The following TPST1 variants were observed in gnomAD, a reference collection of about 807,000 sequenced individuals.
The protein encoded by TPST1 is protein-tyrosine sulfotransferase 1.
A neutral mutation model predicts 34.8 loss-of-function variants in TPST1; 20 were observed. The ratio of observed to expected loss-of-function variants is 0.57; its 90% CI spans 0.40 to 0.84. The LOEUF (loss-of-function observed/expected upper bound fraction) is 0.84. TPST1 is among the 40% of genes least tolerant of loss of function. The pLI is 0.00. For synonymous variants in TPST1, 152 were observed against 159.4 expected, an observed-to-expected ratio of 0.95 and a Z score of 0.35; for missense variants, 353 against 455.5, an observed-to-expected ratio of 0.78 and a Z score of 2.05.
intron 1 of TPST1, among the ~76,000 whole-genome samples, chr7:66,238,538 G>A (rs1055088810): frequency 5.9e-5 from 9 of 151,986 alleles, no homozygotes; most frequent in African/African-American, 2.2e-4. Context: ...CTGCTCGGTA[G>A]CAGGCTGGAC....
intron 3 of TPST1, among the ~76,000 whole-genome samples, chr7:66,301,117 G>A (rs1313911051): frequency 6.6e-6 from 1 of 152,166 alleles, no homozygotes; most frequent in African/African-American, 2.4e-5. Context: ...ATAGTATTTT[G>A]TGAGAAATCT....
chr7:66,313,934 A>G (rs978578873), intron 3 of TPST1, among the ~76,000 whole-genome samples: 8 of 151,924 alleles, frequency 5.3e-5, no homozygotes, highest in Non-Finnish European at 1.2e-4. Context: ...AGTTTTCTTT[A>G]TCTGTAACAG....
chr7:66,322,310 A>G (rs190052554), intron 3 of TPST1, among the ~76,000 whole-genome samples: 3 of 149,868 alleles, frequency 2.0e-5, no homozygotes, highest in Non-Finnish European at 4.5e-5. Context: ...AGTGTTAAAC[A>G]TATTTACAGT....
At chr7:66,250,312 T>C (rs1790236860) in intron 2 of TPST1, among the ~76,000 whole-genome samples, 1 of 152,220 alleles carries the variant, frequency 6.6e-6, no homozygotes, top group Non-Finnish European at 1.5e-5. Flanking sequence ...AGTTGGAAGA[T>C]GGTAGAGCCA....
intron 1 of TPST1, among the ~76,000 whole-genome samples, chr7:66,223,715 A>G (rs1020869943): frequency 7.9e-5 from 12 of 152,138 alleles, no homozygotes; most frequent in African/African-American, 2.9e-4. Flanking sequence ...ATTTCATTTT[A>G]ACTCTTTATT....
chr7:66,346,299 A>G (rs968849711), intron 3 of TPST1, among the ~76,000 whole-genome samples: 5 of 152,130 alleles, frequency 3.3e-5, no homozygotes, highest in East Asian at 3.8e-4. Context: ...GAGAATGCAG[A>G]TATCTCCTTG....
intron 4 of TPST1, among the ~76,000 whole-genome samples, chr7:66,356,397 T>C (rs528114002): frequency 3.9e-5 from 6 of 152,310 alleles, no homozygotes; most frequent in African/African-American, 1.4e-4. Flanking sequence ...AGCATTTTTA[T>C]TGGGGTTTAT....
intron 3 of TPST1, among the ~76,000 whole-genome samples, chr7:66,349,387 A>G (rs1562855811): frequency 6.6e-6 from 1 of 152,180 alleles, no homozygotes; most frequent in Non-Finnish European, 1.5e-5. Flanking sequence ...CCTGACCAAC[A>G]TGGAGAAACC....
chr7:66,241,827 C>T (rs12532675), intron 2 of TPST1, among the ~76,000 whole-genome samples: 5,609 of 152,246 alleles, frequency 0.037, 165 homozygotes, highest in East Asian at 0.089. Context: ...AAGATTAAAA[C>T]GATTTGTTCA....
chr7:66,352,692 G>A (rs902959759), intron 4 of TPST1, 137 bp downstream of exon 4: 2 of 1,495,160 alleles, frequency 1.3e-6, no homozygotes, highest in African/African-American at 1.4e-5. Context: ...ATAGTGATAT[G>A]TGCTGGGGAA....
chr7:66,312,672 T>C (rs1791553209), intron 3 of TPST1, among the ~76,000 whole-genome samples: 1 of 152,212 alleles, frequency 6.6e-6, no homozygotes, highest in Admixed American at 6.5e-5. Flanking sequence ...TTGATTGTAT[T>C]GTGGCTTTTC....
intron 3 of TPST1, among the ~76,000 whole-genome samples, chr7:66,317,117 G>A (rs534962528): frequency 2.0e-5 from 3 of 152,312 alleles, no homozygotes; most frequent in South Asian, 2.1e-4. Context: ...ATAAACATGC[G>A]TGGAGCTGGT....
At chr7:66,243,866 T>A (rs1790089911) in intron 2 of TPST1, among the ~76,000 whole-genome samples, 1 of 152,070 alleles carries the variant, frequency 6.6e-6, no homozygotes, top group Non-Finnish European at 1.5e-5. Context: ...ATGTTCATTA[T>A]AATAAAGAAT....
chr7:66,246,179 A>ATTTTTTTT (rs35051150), intron 2 of TPST1, among the ~76,000 whole-genome samples: 1 of 92,384 alleles, frequency 1.1e-5, no homozygotes, highest in African/African-American at 4.2e-5. Context: ...TGCCTGGCTA[A>ATTTTTTTT]TTTTTTTTTT....
chr7:66,297,738 A>G (rs1298701600), intron 3 of TPST1, among the ~76,000 whole-genome samples: 3 of 152,210 alleles, frequency 2.0e-5, no homozygotes, highest in Admixed American at 6.5e-5. Flanking sequence ...CCAAACAACA[A>G]AAAGCTGCAG....
intron 3 of TPST1, among the ~76,000 whole-genome samples, chr7:66,292,944 T>C (rs1344243265): frequency 6.6e-6 from 1 of 152,194 alleles, no homozygotes; most frequent in African/African-American, 2.4e-5. Context: ...CGCTGGCTCA[T>C]GCCTGTAATC....
In TPST1 at chr7:66,209,104, C is replaced by T. The variant is rs533510373; in HGVS notation, c.-102+3582C>T. On this transcript the variant is annotated intron_variant, in intron 1 of 5. Transcript: ENST00000304842. ...GCCCGGCCACATGGTGAAACCCCAT[C>T]TCTACTAAAAATACAAAAATTAGCC... Among the ~76,000 whole-genome samples the T allele has an allele frequency of 4.2e-4, 64 of 152,158 alleles. 1 individual carries two copies. The East Asian group carries it at 0.011, about 27-fold the overall frequency.
rs1792009916 is a variant in TPST1 at position 66,332,223 on chromosome 7, A to AT, written c.1045-20281dup. Among the ~76,000 whole-genome samples the AT allele has an allele frequency of 6.6e-6, 1 of 151,902 alleles. No homozygotes were observed. The highest frequency in any genetic ancestry group is 2.4e-5 in the African/African-American group (1 of 41,310). On this transcript the variant is annotated intron_variant, in intron 3 of 5. Transcript: ENST00000304842. The surrounding 1 kb of genome is among the most constrained non-coding windows in gnomAD (Gnocchi z 4.5). The stretch of plus-strand genomic sequence containing the variant: ...GAATTGGATCTGCGGTCTACAAGTA[A>AT]TGTTAATGACATTTATTTTAAGTTG...
chr7:66,310,035 GACC>G (rs1490104913), intron 3 of TPST1, among the ~76,000 whole-genome samples: 1 of 152,160 alleles, frequency 6.6e-6, no homozygotes, highest in Non-Finnish European at 1.5e-5. Context: ...AGGAAGAGAA[GACC>G]ACCTTTGCCT....
Sources: allele counts gnomAD v4.1 joint callset (sites outside exome capture counted in the v4.1 genomes callset), GRCh38; gene constraint gnomAD v4.1.1; non-coding constraint Gnocchi (gnomAD v3.1); transcripts MANE v1.5; gene names NCBI Gene and HGNC (gene_info 2026-07-23, HGNC 2026-07-21).